RNF212B: variants seen among roughly 807,000 people sequenced by gnomAD.
The protein encoded by RNF212B is ring finger protein 212B.
A neutral mutation model predicts 55.5 loss-of-function variants in RNF212B; 52 were observed. The observed-to-expected ratio is 0.94, with a 90% CI of 0.75 to 1.18. The LOEUF (loss-of-function observed/expected upper bound fraction) is 1.18. Ranked by LOEUF, RNF212B falls within the 50% of genes most tolerant of loss-of-function variation. The pLI, the probability that RNF212B is intolerant of heterozygous loss-of-function variation, is 0.00. For synonymous variants in RNF212B, 99 were observed against 121.4 expected (o/e 0.82, Z 1.21); for missense variants, 289 against 350.4 (o/e 0.82, Z 1.40).
intron 2 of RNF212B, among the ~76,000 whole-genome samples, chr14:23,203,073 C>G (rs978136343): frequency 6.6e-6 from 1 of 151,334 alleles, no homozygotes; most frequent in African/African-American, 2.4e-5. Flanking sequence ...TTTGGTGTAC[C>G]CATCACCCAA....
At chr14:23,187,854 G>A (rs1163214378) in intron 1 of RNF212B, among the ~76,000 whole-genome samples, 1 of 152,042 alleles carries the variant, frequency 6.6e-6, no homozygotes, top group Non-Finnish European at 1.5e-5. Flanking sequence ...TCGATTAGAT[G>A]GGGCCTTCCT....
At chr14:23,209,040 G>A (rs567938392) in intron 2 of RNF212B, among the ~76,000 whole-genome samples, 8 of 152,168 alleles carry the variant, frequency 5.3e-5, no homozygotes, top group Non-Finnish European at 1.2e-4. Context: ...TTACAGGCGT[G>A]AGCCACCGTG....
chr14:23,262,599 C>A, intron 7 of RNF212B, 66 bp from the exon 8 acceptor site: 2 of 1,322,238 alleles, frequency 1.5e-6, no homozygotes, highest in East Asian at 2.5e-5. Flanking sequence ...TCTGATTGAT[C>A]CTCTAAAGTG....
chr14:23,270,538 A>G (rs1174527736), intron 13 of RNF212B, 62 bp from the exon 14 acceptor site: 4 of 1,197,636 alleles, frequency 3.3e-6, no homozygotes, highest in Admixed American at 2.0e-5. Context: ...CTGACCCACA[A>G]GTAACACTGC....
intron 6 of RNF212B, 46 bp downstream of exon 6, chr14:23,259,990 T>C: frequency 3.2e-6 from 3 of 943,046 alleles, no homozygotes; most frequent in Non-Finnish European, 4.8e-6. Context: ...CTCTTACTTT[T>C]CTCATCTATC....
chr14:23,198,504 G>A (rs1327990705), intron 2 of RNF212B, among the ~76,000 whole-genome samples: 3 of 151,900 alleles, frequency 2.0e-5, no homozygotes, highest in East Asian at 1.9e-4. Context: ...TGAAACCCCC[G>A]TCTCTACTAA....
chr14:23,205,481 T>A (rs534131974), intron 2 of RNF212B, among the ~76,000 whole-genome samples: 2 of 152,324 alleles, frequency 1.3e-5, no homozygotes, highest in African/African-American at 4.8e-5. Flanking sequence ...TTTTAATTCT[T>A]TACCTAGATT....
chr14:23,268,566 CATTTTTGTTGATGTCACTCCTAGCTA>C (rs376940058), intron 11 of RNF212B, among the ~76,000 whole-genome samples: 1,820 of 152,192 alleles, frequency 0.012, 43 homozygotes, highest in African/African-American at 0.042. Context: ...TTTGCTCTGC[CATTTTTGTTGATGTCACTCCTAGCTA>C]ATTTTTGTTG....
intron 1 of RNF212B, among the ~76,000 whole-genome samples, chr14:23,193,124 T>A (rs891497881): frequency 6.7e-6 from 1 of 148,430 alleles, no homozygotes; most frequent in African/African-American, 2.5e-5. Context: ...AAAAAGAATG[T>A]TACCAGAATG....
At chr14:23,195,173 G>C (rs1208385814) in intron 2 of RNF212B, among the ~76,000 whole-genome samples, 1 of 151,864 alleles carries the variant, frequency 6.6e-6, no homozygotes, top group Non-Finnish European at 1.5e-5. Flanking sequence ...CACGTCTACA[G>C]TCCCAGCTAT....
chr14:23,193,998 C>T (rs999694196), intron 2 of RNF212B, among the ~76,000 whole-genome samples: 18 of 152,058 alleles, frequency 1.2e-4, no homozygotes, highest in Non-Finnish European at 2.5e-4. Context: ...CCTGCCGCTA[C>T]GCCTGGCTAA....
At chr14:23,245,415 A>G (rs964478678) in intron 4 of RNF212B, among the ~76,000 whole-genome samples, 1 of 152,216 alleles carries the variant, frequency 6.6e-6, no homozygotes, top group Non-Finnish European at 1.5e-5. Context: ...GAGAAAGAGC[A>G]GACCTTTAGT....
chr14:23,194,318 C>T (rs1878425185), intron 2 of RNF212B, among the ~76,000 whole-genome samples: 1 of 152,044 alleles, frequency 6.6e-6, no homozygotes, highest in South Asian at 2.1e-4. Context: ...GAAGATATGA[C>T]AATCTTGAAC....
At chr14:23,232,856 G>A (rs560215188) in intron 2 of RNF212B, among the ~76,000 whole-genome samples, 5 of 125,672 alleles carry the variant, frequency 4.0e-5, no homozygotes, top group East Asian at 2.6e-4. Flanking sequence ...CAGCTGCCCC[G>A]TCTGGGAAGT....
chr14:23,231,093 A>C (rs1280552779), intron 2 of RNF212B, among the ~76,000 whole-genome samples: 1 of 152,202 alleles, frequency 6.6e-6, no homozygotes, highest in Non-Finnish European at 1.5e-5. Flanking sequence ...TGTTTTGACT[A>C]TTCTAAGTTT....
intron 7 of RNF212B, 100 bp downstream of exon 7, chr14:23,260,787 T>G: frequency 1.8e-6 from 2 of 1,096,334 alleles, no homozygotes; most frequent in Non-Finnish European, 2.7e-6. Flanking sequence ...AAATGGTTAA[T>G]GAATTTAGCT....
At chr14:23,246,163 T>A (rs1883965715) in intron 4 of RNF212B, among the ~76,000 whole-genome samples, 1 of 151,618 alleles carries the variant, frequency 6.6e-6, no homozygotes, top group Non-Finnish European at 1.5e-5. Flanking sequence ...GGAGTCTTGC[T>A]TTTGTCTGTC....
rs59923716 is a variant in RNF212B at position 23,216,879 on chromosome 14, C to CAAAAAAA, written c.-1-23447_-1-23441dup. 1.3e-3 allele frequency among the ~76,000 whole-genome samples: 62 copies of CAAAAAAA among 48,750 alleles called. 3 individuals carry two copies. Among genetic ancestry groups the CAAAAAAA allele is most frequent in the East Asian group, 1.5e-3 (2 of 1,330 alleles). 32.0% of individuals were successfully genotyped at this position (48,750 alleles called of 152,430 possible). ...TGGGTGACTGAATGTGACCCTGTCT[C>CAAAAAAA]AAAAAAAAAAAAAAAAAAAAAAAAA... On this transcript the variant is annotated intron_variant, in intron 2 of 15. Transcript: ENST00000399910.
intron 2 of RNF212B, among the ~76,000 whole-genome samples, chr14:23,195,510 C>G (rs1486227519): frequency 6.6e-6 from 1 of 152,142 alleles, no homozygotes; most frequent in Non-Finnish European, 1.5e-5. Flanking sequence ...TTTTGTAATG[C>G]TCTTCCTTCA....
Sources: gnomAD v4.1 joint callset for allele counts (sites outside exome capture counted in the v4.1 genomes callset) on GRCh38, gnomAD v4.1.1 for gene constraint, MANE v1.5 for transcripts, NCBI Gene and HGNC (gene_info 2026-07-23, HGNC 2026-07-21) for gene names.